Variants in ZSCAN30 observed in about 807,000 individuals in gnomAD.
ZSCAN30 encodes the protein zinc finger and SCAN domain containing 30.
Under a neutral mutation model 44.3 loss-of-function variants are expected in ZSCAN30, and 37 were observed. That is an observed-to-expected ratio of 0.84 (90% CI 0.64 to 1.10). The LOEUF is 1.10. Ranked by LOEUF, ZSCAN30 falls within the 50% of genes least tolerant of loss-of-function variation. ZSCAN30 has a pLI of 0.00. For missense variants in ZSCAN30, 549 were observed against 582.6 expected (o/e 0.94, Z 0.59); for synonymous variants, 181 against 204.6 (o/e 0.88, Z 0.98).
chr18:35,264,448 G>T lies in ZSCAN30; in HGVS notation c.-96C>A. Reference sequence around the variant, plus strand: ...ATTCCTTCTGAATTCCAACTCCCCAGGACGCTCCTGAGGGTGGACAATGCT... The same window carrying T: ...ATTCCTTCTGAATTCCAACTCCCCATGACGCTCCTGAGGGTGGACAATGCT... On this transcript the variant is annotated 5_prime_UTR_variant, in exon 2 of 4. In the 5' UTR this introduces an upstream ATG that the reference lacks. Coordinates refer to ENST00000333206, the MANE Select transcript of ZSCAN30 (RefSeq NM_001112734.4). The T allele has an allele frequency of 7.8e-7, 1 of 1,289,000 alleles. No individual in the cohort carries two copies. The highest frequency in any genetic ancestry group is 1.1e-6 in the Non-Finnish European group (1 of 940,760). 79.8% of individuals were successfully genotyped at this position (1,289,000 alleles called of 1,614,324 possible).
rs1330472334 is a variant in ZSCAN30, at chr18:35,263,588, G to C, written c.478C>G (p.Leu160Val). 3.1e-6 allele frequency: 5 copies of C among 1,614,194 alleles called. No homozygotes were observed. The highest frequency in any genetic ancestry group is 4.2e-6 in the Non-Finnish European group (5 of 1,180,040). The change falls in exon 3 of 4, where the codon CTG becomes GTG. Residue 160 changes from leucine (L) to valine (V), a missense_variant. By Grantham distance (32) the Leu-to-Val change is conservative (BLOSUM62 1). Transcript: ENST00000333206. ...TSTGALKSLSLNSPVQPLENQ... is the reference protein window; with the variant it reads ...TSTGALKSLSVNSPVQPLENQ... ...TCTAAGGGCTGCACCGGGCTATTCA[G>C]AGACAGAGACTTCAGTGCTCCTGTG...
At position 35,251,514 on chromosome 18, in the gene ZSCAN30, A is replaced by G. The variant is rs2043593599; in HGVS notation, c.*1936T>C. The G allele has an allele frequency of 6.6e-6, 1 of 152,176 alleles. No homozygotes were observed. The highest frequency in any genetic ancestry group is 6.5e-5 in the Admixed American group (1 of 15,280). The allele number at this position is 152,176 out of a possible 1,614,324, so 9.4% of individuals were successfully genotyped here. On this transcript the variant is annotated 3_prime_UTR_variant, in exon 4 of 4. Transcript: ENST00000333206. ...CCCTATTACCCACAACAGCAGTGAT[A>G]TGGTTTGGCTCTTGTGTCCCCACCC...
intron 1 of ZSCAN30, among the ~76,000 whole-genome samples, chr18:35,287,574 C>CAAAAAAA (rs59300208): frequency 1.2e-4 from 11 of 94,658 alleles, no homozygotes; most frequent in Non-Finnish European, 1.2e-4. Flanking sequence ...ATCCACATAC[C>CAAAAAAA]AAAAAAAAAA....
intron 1 of ZSCAN30, chr18:35,283,550 G>C (rs961421248): frequency 6.6e-6 from 1 of 152,378 alleles, no homozygotes; most frequent in Non-Finnish European, 1.5e-5. Context: ...AGGGATGTGT[G>C]AGCGAAAGAG....
At chr18:35,288,721 C>A (rs2044597236) in intron 1 of ZSCAN30, among the ~76,000 whole-genome samples, 1 of 152,132 alleles carries the variant, frequency 6.6e-6, no homozygotes, top group African/African-American at 2.4e-5. Flanking sequence ...TGTATGATTC[C>A]ATTTAAATAA....
intron 1 of ZSCAN30, among the ~76,000 whole-genome samples, chr18:35,273,344 G>C (rs1350421504): frequency 6.6e-6 from 1 of 152,058 alleles, no homozygotes; most frequent in Non-Finnish European, 1.5e-5. Context: ...ATGTCTCCAG[G>C]TTTATCCATG....
At chr18:35,263,790 A>G (rs1385134330) in intron 2 of ZSCAN30, 133 bp from the exon 3 acceptor site, 4 of 1,374,042 alleles carry the variant, frequency 2.9e-6, no homozygotes, top group African/African-American at 2.9e-5. Context: ...GGACCTTAAG[A>G]GCCCTAGTGA....
In ZSCAN30 at chr18:35,271,318, G is replaced by A. The variant is rs184611944; in HGVS notation, c.-103-6863C>T. On this transcript the variant is annotated intron_variant, in intron 1 of 3. Coordinates refer to ENST00000333206, the MANE Select transcript of ZSCAN30 (RefSeq NM_001112734.4). ...ATTTTGACAGGGTGCTGATTGGTGC[G>A]TTTACAATCCCTGAGCTAGACACAG... 4.6e-5 allele frequency among the ~76,000 whole-genome samples: 7 copies of A among 152,124 alleles called. No homozygotes were observed. The East Asian group carries it at 5.8e-4, about 13-fold the overall frequency.
At chr18:35,271,923 G>A (rs1442987437) in intron 1 of ZSCAN30, among the ~76,000 whole-genome samples, 8 of 152,186 alleles carry the variant, frequency 5.3e-5, no homozygotes, top group South Asian at 4.1e-4. Context: ...GGCCGGCGGC[G>A]CTGGCCGGCC....
At chr18:35,267,427 G>C (rs975602142) in intron 1 of ZSCAN30, 11 of 152,320 alleles carry the variant, frequency 7.2e-5, no homozygotes, top group Admixed American at 2.0e-4. Flanking sequence ...GCGGGACAGG[G>C]GCGGTTTGGG....
chr18:35,263,314 T>G, intron 3 of ZSCAN30, 199 bp downstream of exon 3: 1 of 597,184 alleles, frequency 1.7e-6, no homozygotes, highest in Non-Finnish European at 2.8e-6. Flanking sequence ...CTAAAGACTT[T>G]AATTCTTAAC....
At chr18:35,273,262 C>T (rs1429421581) in intron 1 of ZSCAN30, among the ~76,000 whole-genome samples, 3 of 152,184 alleles carry the variant, frequency 2.0e-5, no homozygotes, top group African/African-American at 7.2e-5. Context: ...ATTTGACTAC[C>T]CTTAAGTACC....
At chr18:35,272,817 G>C (rs2044307066) in intron 1 of ZSCAN30, among the ~76,000 whole-genome samples, 1 of 152,220 alleles carries the variant, frequency 6.6e-6, no homozygotes, top group African/African-American at 2.4e-5. Context: ...GTTACACGTA[G>C]CTGGGGAGGT....
intron 3 of ZSCAN30, chr18:35,262,047 G>A (rs1038305939): frequency 3.9e-5 from 6 of 152,108 alleles, no homozygotes; most frequent in Non-Finnish European, 5.9e-5. Context: ...TCCAGGGTCT[G>A]GCCTTTGGGC....
intron 1 of ZSCAN30, among the ~76,000 whole-genome samples, chr18:35,265,672 C>T (rs2044135041): frequency 6.6e-6 from 1 of 152,196 alleles, no homozygotes. Flanking sequence ...GGTTCTGAAA[C>T]AGCACAAAGA....
rs757387225 is a variant in ZSCAN30 at position 35,274,193 on chromosome 18, C to CT, written c.-103-9739dup. On this transcript the variant is annotated intron_variant, in intron 1 of 3. Transcript: ENST00000333206. ...ACCATGCCCAGCTAATTTTTGGGGGCTTTTTTTTGCTTGTTTTTTGTTTTG... is the reference window on the plus strand; with the variant it reads ...ACCATGCCCAGCTAATTTTTGGGGGCTTTTTTTTTGCTTGTTTTTTGTTTTG... 5.9e-4 allele frequency among the ~76,000 whole-genome samples: 89 copies of CT among 151,804 alleles called. No individual in the cohort carries two copies. The Middle Eastern group carries it at 0.01, about 18-fold the overall frequency.
intron 1 of ZSCAN30, among the ~76,000 whole-genome samples, chr18:35,278,521 CCTGGATT>C (rs1272772874): frequency 3.3e-5 from 5 of 152,214 alleles, no homozygotes; most frequent in Non-Finnish European, 7.3e-5. Context: ...CAATTTCTAT[CCTGGATT>C]CTGCTGAAAT....
At chr18:35,272,062 G>C (rs2044291780) in intron 1 of ZSCAN30, among the ~76,000 whole-genome samples, 1 of 152,238 alleles carries the variant, frequency 6.6e-6, no homozygotes, top group Non-Finnish European at 1.5e-5. Flanking sequence ...CCAGCCCAGA[G>C]AGGGGCTTCC....
chr18:35,253,686 C>G lies in ZSCAN30; in HGVS notation c.1249G>C (p.Ala417Pro). 2 of 1,614,122 alleles carry G rather than the reference C, an allele frequency of 1.2e-6. No individual in the cohort carries two copies. The highest frequency in any genetic ancestry group is 2.2e-5 in the South Asian group (2 of 91,086). ...CTCCTACCAAAAGCCTTACCACATG[C>G]AATACATTCATAGCTTTTATCTCCA... The part of the protein sequence containing the change: ...HTGDKSYECI[A>P]CGKAFGRSSI... The change falls in exon 4 of 4, where the codon GCA becomes CCA. Residue 417 changes from alanine to proline, a missense_variant. Coordinates refer to ENST00000333206, the MANE Select transcript of ZSCAN30 (RefSeq NM_001112734.4).
Sources: gnomAD v4.1 joint callset for allele counts (sites outside exome capture counted in the v4.1 genomes callset) on GRCh38, gnomAD v4.1.1 for gene constraint, MANE v1.5 for transcripts, NCBI Gene and HGNC (gene_info 2026-07-23, HGNC 2026-07-21) for gene names.